ABCC4: variants seen among roughly 807,000 people sequenced by gnomAD.
ABCC4 encodes the protein ATP-binding cassette sub-family C member 4.
ABCC4 carries 102 observed loss-of-function variants against 168.5 expected under a neutral mutation model. The observed-to-expected ratio is 0.61, with a 90% CI of 0.52 to 0.71. The LOEUF is 0.71. Ranked by LOEUF, ABCC4 falls within the 30% of genes least tolerant of loss-of-function variation. The probability of loss-of-function intolerance (pLI) is 0.00; values close to 1 mark genes in which losing one functional copy is unlikely to be tolerated. For synonymous variants in ABCC4, 617 were observed against 590.7 expected, an observed-to-expected ratio of 1.04 and a Z score of -0.65; for missense variants, 1,402 against 1,605.8, an observed-to-expected ratio of 0.87 and a Z score of 2.17.
intron 20 of ABCC4, among the ~76,000 whole-genome samples, chr13:95,089,742 G>A (rs7323876): frequency 0.056 from 8,496 of 152,080 alleles, 782 homozygotes; most frequent in African/African-American, 0.19. Flanking sequence ...TCAGGTTAAC[G>A]AAACAGGAAG....
At chr13:95,213,605 G>A (rs978072378) in intron 4 of ABCC4, among the ~76,000 whole-genome samples, 3 of 117,552 alleles carry the variant, frequency 2.6e-5, no homozygotes, top group Admixed American at 9.0e-5. Flanking sequence ...GATGCCGCCC[G>A]AGGAGAGGAA....
At chr13:95,284,966 C>G (rs2041224501) in intron 1 of ABCC4, among the ~76,000 whole-genome samples, 1 of 152,142 alleles carries the variant, frequency 6.6e-6, no homozygotes, top group African/African-American at 2.4e-5. Context: ...TAGTTCCAGG[C>G]CAGGCATGGT....
intron 1 of ABCC4, among the ~76,000 whole-genome samples, chr13:95,252,209 A>T (rs2040282582): frequency 6.6e-6 from 1 of 152,318 alleles, no homozygotes; most frequent in Middle Eastern, 3.4e-3. Context: ...AAGGTTCTCA[A>T]GCCAATAAGA....
At chr13:95,130,950 T>C (rs183704318) in intron 19 of ABCC4, among the ~76,000 whole-genome samples, 2 of 152,260 alleles carry the variant, frequency 1.3e-5, no homozygotes, top group African/African-American at 2.4e-5. Flanking sequence ...TTTTTCTCCT[T>C]CTTCTTCTTT....
intron 1 of ABCC4, among the ~76,000 whole-genome samples, chr13:95,257,127 A>G (rs910152322): frequency 6.6e-6 from 1 of 152,268 alleles, no homozygotes; most frequent in Admixed American, 6.5e-5. Context: ...CCTTACCAGT[A>G]ACATAAAGTT....
At chr13:95,161,135 C>T in intron 19 of ABCC4, 54 bp downstream of exon 19, 1 of 1,414,746 alleles carries the variant, frequency 7.1e-7, no homozygotes, top group Non-Finnish European at 9.4e-7. Flanking sequence ...TAATCAGATC[C>T]TAAATGTGTT....
intron 9 of ABCC4, among the ~76,000 whole-genome samples, chr13:95,191,255 G>A (rs1475422967): frequency 3.9e-5 from 6 of 152,124 alleles, no homozygotes; most frequent in South Asian, 2.1e-4. Flanking sequence ...TCACATATCC[G>A]AATAATCACA....
intron 20 of ABCC4, among the ~76,000 whole-genome samples, chr13:95,087,847 T>C (rs1222541292): frequency 2.0e-5 from 3 of 152,210 alleles, no homozygotes; most frequent in African/African-American, 7.2e-5. Flanking sequence ...AGATCTCTAC[T>C]TTACATCTGT....
chr13:95,113,238 T>C (rs759135410), intron 20 of ABCC4, among the ~76,000 whole-genome samples: 3 of 152,178 alleles, frequency 2.0e-5, no homozygotes, highest in Non-Finnish European at 4.4e-5. Context: ...AGCCATGAGG[T>C]GAACAAAGCT....
At chr13:95,126,787 TATATATATTTATATATATTTAAGTACACC>T (rs201122590) in intron 19 of ABCC4, among the ~76,000 whole-genome samples, 5 of 125,456 alleles carry the variant, frequency 4.0e-5, no homozygotes, top group African/African-American at 1.3e-4. Flanking sequence ...GTACACCAAA[TATATATATTTATATATATTTAAGTACACC>T]ATATATATTT....
At chr13:95,142,161 T>C (rs1017555208) in intron 19 of ABCC4, among the ~76,000 whole-genome samples, 2 of 152,080 alleles carry the variant, frequency 1.3e-5, no homozygotes, top group Admixed American at 6.5e-5. Context: ...CAATTTGCAA[T>C]TGCAAAAATG....
At chr13:95,109,391 A>AACACAC (rs61165942) in intron 20 of ABCC4, among the ~76,000 whole-genome samples, 42,556 of 150,194 alleles carry the variant, frequency 0.28, 6,832 homozygotes, top group Admixed American at 0.38. Flanking sequence ...CAGGTGTGCA[A>AACACAC]ACACACACAC....
chr13:95,274,290 CCT>C (rs2040917854), intron 1 of ABCC4, among the ~76,000 whole-genome samples: 1 of 152,134 alleles, frequency 6.6e-6, no homozygotes. Flanking sequence ...GTTTTGGAAA[CCT>C]CTCTGGCTGG....
intron 4 of ABCC4, among the ~76,000 whole-genome samples, chr13:95,231,952 TAA>T (rs1303610691): frequency 6.6e-6 from 1 of 152,220 alleles, no homozygotes; most frequent in Non-Finnish European, 1.5e-5. Flanking sequence ...AGGGTGTTTT[TAA>T]AGTTTGCCAA....
chr13:95,136,892 T>C (rs4148514), intron 19 of ABCC4, among the ~76,000 whole-genome samples: 13,666 of 152,142 alleles, frequency 0.09, 790 homozygotes, highest in South Asian at 0.16. Flanking sequence ...CTCAAAAAGG[T>C]TCCCACATTC....
chr13:95,295,346 T>A (rs900649411), intron 1 of ABCC4, among the ~76,000 whole-genome samples: 1 of 151,864 alleles, frequency 6.6e-6, no homozygotes, highest in Non-Finnish European at 1.5e-5. Context: ...CGAGACCTGG[T>A]CTCTACCAAA....
At chr13:95,105,308 C>A (rs1315813893) in intron 20 of ABCC4, among the ~76,000 whole-genome samples, 3 of 151,976 alleles carry the variant, frequency 2.0e-5, no homozygotes, top group Non-Finnish European at 4.4e-5. Flanking sequence ...TCTTGTCCAC[C>A]GCTCACCTCC....
intron 19 of ABCC4, among the ~76,000 whole-genome samples, chr13:95,149,831 G>A (rs555140277): frequency 6.6e-6 from 1 of 152,220 alleles, no homozygotes; most frequent in African/African-American, 2.4e-5. Flanking sequence ...TCTATTATGT[G>A]CTTCAATCAG....
chr13:95,293,231 A>G (rs1446324319), intron 1 of ABCC4, among the ~76,000 whole-genome samples: 1 of 151,856 alleles, frequency 6.6e-6, no homozygotes, highest in Non-Finnish European at 1.5e-5. Flanking sequence ...GGTGGTGCAC[A>G]TCTGTAATCC....
Sources: gnomAD v4.1 joint callset for allele counts (sites outside exome capture counted in the v4.1 genomes callset) on GRCh38, gnomAD v4.1.1 for gene constraint, MANE v1.5 for transcripts, NCBI Gene and HGNC (gene_info 2026-07-23, HGNC 2026-07-21) for gene names.